CDC25C: variants seen among roughly 807,000 people sequenced by gnomAD.
The protein encoded by CDC25C is M-phase inducer phosphatase 3.
CDC25C carries 48 observed loss-of-function variants against 52.5 expected under a neutral mutation model. The ratio of observed to expected loss-of-function variants is 0.91; its 90% confidence interval spans 0.72 to 1.16. CDC25C has a LOEUF of 1.16. Ranked by LOEUF, CDC25C falls within the 50% of genes most tolerant of loss-of-function variation. The probability of loss-of-function intolerance (pLI) is 0.00; values close to 1 mark genes in which losing one functional copy is unlikely to be tolerated. For missense variants in CDC25C, 510 were observed against 566.1 expected (o/e 0.90, Z 1.01); for synonymous variants, 187 against 206.5 (o/e 0.91, Z 0.81).
At chr5:138,328,647 A>T in intron 3 of CDC25C, 118 bp from the exon 4 acceptor site, 1 of 816,834 alleles carries the variant, frequency 1.2e-6, no homozygotes, top group Non-Finnish European at 2.1e-6. Context: ...TGAGCTTTTG[A>T]ATACAAAGCC....
chr5:138,323,819 G>A (rs183011283), intron 6 of CDC25C, among the ~76,000 whole-genome samples: 6 of 152,014 alleles, frequency 3.9e-5, no homozygotes, highest in South Asian at 2.1e-4. Flanking sequence ...TTAGCTGGGC[G>A]TGGTGCCACA....
At chr5:138,328,652 A>G in intron 3 of CDC25C, 123 bp from the exon 4 acceptor site, 1 of 783,164 alleles carries the variant, frequency 1.3e-6, no homozygotes, top group Non-Finnish European at 2.2e-6. Flanking sequence ...TTTTGAATAC[A>G]AAGCCTCTCG....
chr5:138,326,173 A>C, intron 4 of CDC25C, 119 bp from the exon 5 acceptor site: 1 of 996,620 alleles, frequency 1.0e-6, no homozygotes. Context: ...TTCCTAGTTG[A>C]TATGTCTCTT....
intron 7 of CDC25C, among the ~76,000 whole-genome samples, chr5:138,300,743 A>C (rs1757570692): frequency 6.6e-6 from 1 of 152,242 alleles, no homozygotes; most frequent in African/African-American, 2.4e-5. Flanking sequence ...ACTCTGGACC[A>C]TAAAAACCAA....
At chr5:138,337,980 C>T (rs1288406901) in exon 1 of CDC25C, 2 of 1,289,510 alleles carry the variant, frequency 1.6e-6, no homozygotes, top group Non-Finnish European at 2.0e-6. Flanking sequence ...GCCTCCCCCG[C>T]GGGTTTCAAG....
In CDC25C at chr5:138,331,036, G is replaced by T. The variant is rs1394030100; in HGVS notation, c.145C>A (p.Pro49Thr). ...FTVCPDVPRT[P>T]VGKFLGDSAN... Reference sequence around the variant, plus strand: ...GAATCACCAAGAAATTTGCCCACTGGAGTTCTAGGGACATCTGGACAGACG... The same window carrying T: ...GAATCACCAAGAAATTTGCCCACTGTAGTTCTAGGGACATCTGGACAGACG... Residue 49 changes from proline (P) to threonine (T), a missense_variant, in exon 2 of 14, where the codon CCA (proline) becomes ACA (threonine). Coordinates refer to ENST00000323760, the MANE Select transcript of CDC25C (RefSeq NM_001790.5). The T allele has an allele frequency of 6.2e-7, 1 of 1,613,998 alleles. No homozygotes were observed. The highest frequency in any genetic ancestry group is 8.5e-7 in the Non-Finnish European group (1 of 1,179,994).
chr5:138,311,454 G>A (rs142560952), intron 7 of CDC25C, among the ~76,000 whole-genome samples: 1 of 152,198 alleles, frequency 6.6e-6, no homozygotes, highest in African/African-American at 2.4e-5. Context: ...AATTAGCCAG[G>A]TGTGGTGGTG....
At chr5:138,296,667 GC>G (rs1389601034) in intron 7 of CDC25C, among the ~76,000 whole-genome samples, 2 of 148,792 alleles carry the variant, frequency 1.3e-5, no homozygotes, top group African/African-American at 4.9e-5. Context: ...ATGCAGTGGC[GC>G]GATCTCGGCT....
chr5:138,285,885 A>T, intron 13 of CDC25C, 44 bp from the exon 14 acceptor site: 2 of 1,604,696 alleles, frequency 1.2e-6, no homozygotes, highest in Non-Finnish European at 1.7e-6. Flanking sequence ...AGACTCCTGA[A>T]CTCTACCTAT....
At chr5:138,338,278 G>A (rs1209852535) in exon 1 of CDC25C, 1 of 911,314 alleles carries the variant, frequency 1.1e-6, no homozygotes, top group South Asian at 1.4e-5. Flanking sequence ...AGCTGCTCCG[G>A]CCGCGGCCCT....
At chr5:138,292,505 A>G (rs951344182) in intron 7 of CDC25C, among the ~76,000 whole-genome samples, 17 of 147,828 alleles carry the variant, frequency 1.1e-4, no homozygotes, top group African/African-American at 3.7e-4. Flanking sequence ...AAAAAAAAAC[A>G]TAAGTCCATT....
At chr5:138,332,589 G>C (rs1760478121), upstream of CDC25C, among the ~76,000 whole-genome samples, 1 of 152,142 alleles carries the variant, frequency 6.6e-6, no homozygotes, top group Non-Finnish European at 1.5e-5. Flanking sequence ...TTATTGGCCG[G>C]ACGCGTTGGC....
At position 138,289,536 on chromosome 5, in the gene CDC25C, T is replaced by C; in HGVS notation, c.892A>G (p.Lys298Glu). 6.2e-7 allele frequency: 1 copy of C among 1,613,928 alleles called. No individual in the cohort carries two copies. Among genetic ancestry groups the C allele is most frequent in the Non-Finnish European group, 8.5e-7 (1 of 1,179,834 alleles). The change falls in exon 10 of 14, where the codon AAA becomes GAA. Residue 298 changes from lysine (K) to glutamate (E), a missense_variant. Transcript: ENST00000323760. ...KVCALPTVSG[K>E]HQDLKYVNPE... ...TTGACATACTTCAGATCTTGGTGTT[T>C]CCCTGACACGGTTGGCAGCGCACAT...
intron 7 of CDC25C, among the ~76,000 whole-genome samples, chr5:138,318,900 A>G (rs925119511): frequency 6.6e-6 from 1 of 152,246 alleles, no homozygotes; most frequent in African/African-American, 2.4e-5. Flanking sequence ...AAAGCACAGC[A>G]GCTGAGCTTC....
upstream of CDC25C, chr5:138,331,822 T>C: frequency 5.2e-6 from 5 of 970,322 alleles, no homozygotes; most frequent in Non-Finnish European, 6.1e-6. Context: ...GCCGCAGGCG[T>C]TGACCATTCA....
At chr5:138,333,307 A>G (rs1760524924), upstream of CDC25C, 1 of 144,974 alleles carries the variant, frequency 6.9e-6, no homozygotes, top group Non-Finnish European at 1.6e-5. Context: ...CGGCTTGCAG[A>G]TCATGCTTTG....
At chr5:138,286,156 G>A (rs938340232) in intron 12 of CDC25C, 23 bp from the exon 13 acceptor site, 1 of 1,571,674 alleles carries the variant, frequency 6.4e-7, no homozygotes, top group African/African-American at 1.4e-5. Flanking sequence ...CCCAGAGATG[G>A]GTGGGGTGGA....
upstream of CDC25C, among the ~76,000 whole-genome samples, chr5:138,336,629 G>C (rs961971953): frequency 5.9e-5 from 9 of 152,052 alleles, no homozygotes; most frequent in Admixed American, 2.0e-4. Context: ...CAAGGCTGCA[G>C]TGAGCTGTGA....
At chr5:138,323,738 A>G (rs897443326) in intron 6 of CDC25C, among the ~76,000 whole-genome samples, 3 of 152,114 alleles carry the variant, frequency 2.0e-5, no homozygotes, top group Non-Finnish European at 2.9e-5. Context: ...AGGTGGGTGG[A>G]TCACAAGGTC....
Sources: gnomAD v4.1 joint callset for allele counts (sites outside exome capture counted in the v4.1 genomes callset) on GRCh38, gnomAD v4.1.1 for gene constraint, MANE v1.5 for transcripts, NCBI Gene and HGNC (gene_info 2026-07-23, HGNC 2026-07-21) for gene names.